CTNND2: variants seen among roughly 807,000 people sequenced by gnomAD.
CTNND2 encodes catenin delta 2.
In CTNND2, 22 loss-of-function variants were observed where a neutral mutation model predicts 144.4. That is an observed-to-expected ratio of 0.15 (90% CI 0.11 to 0.22). The LOEUF (loss-of-function observed/expected upper bound fraction) is 0.22. Among genes scored for constraint, CTNND2 ranks in the 10% least tolerant of loss-of-function variants. CTNND2 has a pLI of 1.00. For missense variants in CTNND2, 1,353 were observed against 1,618.8 expected, an observed-to-expected ratio of 0.84 and a Z score of 2.82; for synonymous variants, 751 against 695.6, an observed-to-expected ratio of 1.08 and a Z score of -1.25.
chr5:11,219,614 C>T (rs1158804133), intron 10 of CTNND2, among the ~76,000 whole-genome samples: 1 of 152,024 alleles, frequency 6.6e-6, no homozygotes, highest in African/African-American at 2.4e-5. Flanking sequence ...TCTGGATGGT[C>T]CCAGTGTCAT....
intron 10 of CTNND2, among the ~76,000 whole-genome samples, chr5:11,207,184 G>A (rs1432043283): frequency 1.3e-5 from 2 of 151,968 alleles, no homozygotes; most frequent in Non-Finnish European, 2.9e-5. Context: ...GGAGTTGAAC[G>A]ATGAGAACAC....
chr5:11,822,626 T>C (rs577280422), intron 1 of CTNND2, among the ~76,000 whole-genome samples: 2 of 152,216 alleles, frequency 1.3e-5, no homozygotes, highest in East Asian at 3.9e-4. Context: ...GACTTCCATA[T>C]TGATAGTAGT....
At chr5:11,662,273 G>A (rs1437896414) in intron 2 of CTNND2, among the ~76,000 whole-genome samples, 8 of 134,122 alleles carry the variant, frequency 6.0e-5, no homozygotes, top group African/African-American at 1.4e-4. Context: ...GTGTGTGTGT[G>A]TATATATATA....
intron 2 of CTNND2, among the ~76,000 whole-genome samples, chr5:11,571,986 C>T (rs576926749): frequency 1.7e-4 from 26 of 152,282 alleles, no homozygotes; most frequent in African/African-American, 6.3e-4. Context: ...TATTTACCCA[C>T]TCTCTATGTT....
At chr5:11,890,404 G>T (rs369989887) in intron 1 of CTNND2, among the ~76,000 whole-genome samples, 4 of 152,256 alleles carry the variant, frequency 2.6e-5, no homozygotes, top group African/African-American at 9.6e-5. Flanking sequence ...GAGGCAAAAA[G>T]CACTATATTA....
chr5:11,431,435 T>C (rs1763275354), intron 3 of CTNND2, among the ~76,000 whole-genome samples: 1 of 152,228 alleles, frequency 6.6e-6, no homozygotes, highest in African/African-American at 2.4e-5. Context: ...GTCTCTGGAC[T>C]TGCCAGTGAT....
chr5:11,636,549 A>G (rs1423714742), intron 2 of CTNND2, among the ~76,000 whole-genome samples: 1 of 152,214 alleles, frequency 6.6e-6, no homozygotes, highest in Non-Finnish European at 1.5e-5. Flanking sequence ...CAGTGCAGGC[A>G]ACTGAAGTGA....
chr5:11,085,282 A>G (rs1401112304), intron 15 of CTNND2, among the ~76,000 whole-genome samples: 1 of 152,258 alleles, frequency 6.6e-6, no homozygotes, highest in Admixed American at 6.5e-5. Flanking sequence ...GAAAGAAAGG[A>G]TAACCAGACA....
chr5:11,028,696 T>C (rs1743122709), intron 16 of CTNND2, among the ~76,000 whole-genome samples: 1 of 152,192 alleles, frequency 6.6e-6, no homozygotes, highest in Non-Finnish European at 1.5e-5. Context: ...GTAGCATATG[T>C]CAGAATGTAC....
chr5:11,574,017 C>T (rs867836563), intron 2 of CTNND2, among the ~76,000 whole-genome samples: 61 of 152,070 alleles, frequency 4.0e-4, no homozygotes, highest in African/African-American at 1.4e-3. Context: ...AAATTAGTAG[C>T]AATATTATAT....
At chr5:11,836,372 T>G (rs1211696328) in intron 1 of CTNND2, among the ~76,000 whole-genome samples, 3 of 152,158 alleles carry the variant, frequency 2.0e-5, no homozygotes, top group African/African-American at 7.2e-5. Flanking sequence ...CACATACTAC[T>G]CTTTGACAGT....
chr5:11,557,163 C>T (rs1190741835), intron 3 of CTNND2, among the ~76,000 whole-genome samples: 1 of 151,986 alleles, frequency 6.6e-6, no homozygotes, highest in Non-Finnish European at 1.5e-5. Flanking sequence ...CTAACATGAC[C>T]GATTACAAAG....
chr5:11,790,215 CTT>C (rs1215964153), intron 1 of CTNND2, among the ~76,000 whole-genome samples: 1 of 152,110 alleles, frequency 6.6e-6, no homozygotes, highest in African/African-American at 2.4e-5. Flanking sequence ...CAAAAATAAA[CTT>C]TTTTTGGTTA....
At chr5:11,344,976 CA>C (rs1397944855) in intron 9 of CTNND2, among the ~76,000 whole-genome samples, 7 of 152,084 alleles carry the variant, frequency 4.6e-5, no homozygotes, top group Admixed American at 2.6e-4. Flanking sequence ...GTATTTCCAT[CA>C]GAGATAAAAT....
chr5:11,462,892 G>T (rs1315344970), intron 3 of CTNND2, among the ~76,000 whole-genome samples: 1 of 151,792 alleles, frequency 6.6e-6, no homozygotes, highest in Non-Finnish European at 1.5e-5. Context: ...ATCAGAAGCT[G>T]CCTCGGCCTC....
rs1159342636 is a variant in CTNND2, at chr5:11,341,842, T to TA, written c.1628+4529dup. The stretch of plus-strand genomic sequence containing the variant: ...GGGCAGCACAGCAAGACCCCTTCTC[T>TA]AAAAAAAATAATAAAAACAATTTAA... On this transcript the variant is annotated intron_variant, in intron 9 of 21. Transcript: ENST00000304623. Among the ~76,000 whole-genome samples the TA allele has an allele frequency of 4.0e-5, 6 of 151,794 alleles. No homozygotes were observed. In the East Asian group the frequency reaches 5.8e-4, roughly 15 times the overall value.
chr5:11,581,441 C>G (rs1158118514), intron 2 of CTNND2, among the ~76,000 whole-genome samples: 1 of 152,164 alleles, frequency 6.6e-6, no homozygotes, highest in Non-Finnish European at 1.5e-5. Flanking sequence ...GCCACAGACT[C>G]TTTTTCAGGT....
intron 12 of CTNND2, among the ~76,000 whole-genome samples, chr5:11,119,429 C>G (rs1314016422): frequency 5.3e-5 from 8 of 152,172 alleles, no homozygotes; most frequent in Non-Finnish European, 1.5e-5. Flanking sequence ...TAGGCAAATA[C>G]TGACAGCATT....
chr5:11,008,583 C>T (rs879802685), intron 18 of CTNND2, among the ~76,000 whole-genome samples: 10 of 152,094 alleles, frequency 6.6e-5, no homozygotes, highest in African/African-American at 1.2e-4. Flanking sequence ...ATTTTCTTAT[C>T]GTCTCTGTTC....
Sources: gnomAD v4.1 joint callset for allele counts (sites outside exome capture counted in the v4.1 genomes callset) on GRCh38, gnomAD v4.1.1 for gene constraint, MANE v1.5 for transcripts, NCBI Gene and HGNC (gene_info 2026-07-23, HGNC 2026-07-21) for gene names.